ZAP70: variants seen among roughly 807,000 people sequenced by gnomAD.
The protein encoded by ZAP70 is zeta chain of T cell receptor associated protein kinase 70.
ZAP70 carries 27 observed loss-of-function variants against 65.8 expected under a neutral mutation model. That is an observed-to-expected ratio of 0.41 (90% CI 0.30 to 0.57). ZAP70 has a LOEUF of 0.57. ZAP70 is among the 20% of genes least tolerant of loss of function. ZAP70 has a pLI of 0.28. For missense variants in ZAP70, 696 were observed against 870.5 expected (o/e 0.80, Z 2.52); for synonymous variants, 363 against 360.8 (o/e 1.01, Z -0.07).
chr2:97,734,576 G>C lies in ZAP70; in HGVS notation c.946G>C (p.Glu316Gln), dbSNP rs770861777. Residue 316 changes from glutamate (E) to glutamine (Q), a missense_variant, in exon 9 of 14, where the codon GAG becomes CAG. Glu to Gln is a conservative substitution (Grantham distance 29). This residue lies in a region of ZAP70 where 551 missense variants were observed against 630.0 expected (regional missense o/e 0.87). Transcript: ENST00000264972. ...RPMPMDTSVYESPYSDPEELK... is the reference protein window; with the variant it reads ...RPMPMDTSVYQSPYSDPEELK... ...GATGCCCATGGACACGAGCGTGTAT[G>C]AGAGCCCCTACAGCGACCCAGAGGA... is the stretch of plus-strand genomic sequence containing the variant. 6 of 1,614,170 alleles carry C rather than the reference G, an allele frequency of 3.7e-6. No individual in the cohort carries two copies. The South Asian group carries it at 6.6e-5, about 18-fold the overall frequency.
the ZAP70 span, among the ~76,000 whole-genome samples, chr2:97,755,572 C>G: frequency 6.6e-6 from 1 of 152,178 alleles, no homozygotes; most frequent in Non-Finnish European, 1.5e-5. Context: ...AGCCCCTGTG[C>G]CATAGCCCAA....
At chr2:97,720,921 C>T (rs1294891520) in intron 2 of ZAP70, among the ~76,000 whole-genome samples, 3 of 152,204 alleles carry the variant, frequency 2.0e-5, no homozygotes, top group African/African-American at 7.2e-5. Flanking sequence ...GAGCCCATCT[C>T]TGGACACCCA....
At chr2:97,750,048 C>T in the ZAP70 span, among the ~76,000 whole-genome samples, 1 of 152,222 alleles carries the variant, frequency 6.6e-6, no homozygotes, top group African/African-American at 2.4e-5. Context: ...ATGTTTCACA[C>T]CATCCTCCTG....
intron 3 of ZAP70, chr2:97,724,821 G>A: frequency 1.3e-6 from 2 of 1,515,614 alleles, no homozygotes; most frequent in Admixed American, 2.0e-5. Flanking sequence ...TCCACAGCCT[G>A]AGTGACACCA....
chr2:97,738,051 C>T lies in ZAP70; in HGVS notation c.1680C>T (p.Cys560=). 6.2e-7 allele frequency: 1 copy of T among 1,612,056 alleles called. No individual in the cohort carries two copies. Among genetic ancestry groups the T allele is most frequent in the Non-Finnish European group, 8.5e-7 (1 of 1,178,952 alleles). Residue 560 remains cysteine (C), a synonymous_variant, in exon 13 of 14, where the codon TGC becomes TGT. Transcript: ENST00000264972. The part of the protein sequence containing the change: ...AFIEQGKRME[C]PPECPPELYA... The stretch of plus-strand genomic sequence containing the variant: ...TCGAGCAGGGCAAGCGGATGGAGTG[C>T]CCACCAGAGTGTCCACCCGAACTGT...
chr2:97,716,796 G>A (rs1328824702), intron 2 of ZAP70, among the ~76,000 whole-genome samples: 1 of 152,122 alleles, frequency 6.6e-6, no homozygotes, highest in Non-Finnish European at 1.5e-5. Flanking sequence ...TGAGGTGGGA[G>A]CCTAGAGGGC....
Position 97,735,323 on chromosome 2 carries a change from G to A in ZAP70, c.1156G>A (p.Glu386Lys), listed in dbSNP as rs1335015444. 1.2e-6 allele frequency: 2 copies of A among 1,614,162 alleles called. No individual in the cohort carries two copies. Among genetic ancestry groups the A allele is most frequent in the African/African-American group, 1.3e-5 (1 of 75,070 alleles). The change falls in exon 10 of 14, where the codon GAG (glutamate) becomes AAG (lysine). Residue 386 changes from glutamate to lysine, a missense_variant. This residue lies in a region of ZAP70 where 551 missense variants were observed against 630.0 expected (regional missense o/e 0.87). Transcript: ENST00000264972. ...GGCAGACACGGAAGAGATGATGCGCGAGGCGCAGATCATGCACCAGCTGGA... is the reference window on the plus strand; with the variant it reads ...GGCAGACACGGAAGAGATGATGCGCAAGGCGCAGATCATGCACCAGCTGGA... ...EKADTEEMMR[E>K]AQIMHQLDNP... is the part of the protein sequence containing the mutation.
chr2:97,714,479 G>A (rs1237343585), intron 2 of ZAP70, among the ~76,000 whole-genome samples: 3 of 152,194 alleles, frequency 2.0e-5, no homozygotes, highest in African/African-American at 4.8e-5. Flanking sequence ...GCAAAACACC[G>A]AGTTCTCCTC....
At chr2:97,732,365 C>T (rs1431762185) in intron 4 of ZAP70, among the ~76,000 whole-genome samples, 1 of 152,126 alleles carries the variant, frequency 6.6e-6, no homozygotes, top group African/African-American at 2.4e-5. Flanking sequence ...CTTTCTCTCC[C>T]CAGGAGAATG....
At chr2:97,734,457 G>T (rs141311297) in intron 8 of ZAP70, 63 bp from the exon 9 acceptor site, 93 of 1,537,048 alleles carry the variant, frequency 6.1e-5, no homozygotes, top group Non-Finnish European at 7.0e-5. Context: ...TGTGGGGGCT[G>T]AGGCTGCCTT....
chr2:97,735,816 A>G (rs1437643986), intron 10 of ZAP70, among the ~76,000 whole-genome samples: 1 of 152,166 alleles, frequency 6.6e-6, no homozygotes, highest in African/African-American at 2.4e-5. Context: ...GATCCAGACC[A>G]TCCTGGCCAA....
chr2:97,746,401 G>A, the ZAP70 span, among the ~76,000 whole-genome samples: 1 of 152,202 alleles, frequency 6.6e-6, no homozygotes, highest in Non-Finnish European at 1.5e-5. Flanking sequence ...CTCTCTGTAA[G>A]TCCAGTGAGG....
Position 97,737,375 on chromosome 2 carries a change from C to A in ZAP70, c.1290-98C>A. 1.5e-6 allele frequency: 2 copies of A among 1,321,872 alleles called. No individual in the cohort carries two copies. Among genetic ancestry groups the A allele is most frequent in the South Asian group, 1.2e-5 (1 of 82,024 alleles). 81.9% of individuals were successfully genotyped at this position (1,321,872 alleles called of 1,614,324 possible). ...CAATAAGCGTTTTTGAACACATGGT[C>A]ACCTGGCTCATGCCCAGCTGGGTCA... On this transcript the variant is annotated intron_variant, in intron 10 of 13. Transcript: ENST00000264972. This position sits in a 1 kb window ranked among gnomAD's most constrained non-coding sequence, Gnocchi z 5.0.
intron 2 of ZAP70, among the ~76,000 whole-genome samples, chr2:97,723,092 T>C (rs1677223167): frequency 6.6e-6 from 1 of 152,250 alleles, no homozygotes; most frequent in African/African-American, 2.4e-5. Flanking sequence ...TTAAGTTATC[T>C]GCCTTACCAG....
chr2:97,741,337 C>A (rs1008960710), downstream of ZAP70, among the ~76,000 whole-genome samples: 1 of 152,222 alleles, frequency 6.6e-6, no homozygotes, highest in Admixed American at 6.5e-5. Flanking sequence ...CCAGCGCCCA[C>A]GCGGACTCCC....
At chr2:97,738,247 C>T in intron 13 of ZAP70, 140 bp downstream of exon 13, 1 of 847,842 alleles carries the variant, frequency 1.2e-6, no homozygotes, top group Non-Finnish European at 1.9e-6. Flanking sequence ...TGCAGCTGCC[C>T]CCTACCCCCA....
intron 2 of ZAP70, among the ~76,000 whole-genome samples, chr2:97,717,724 A>C (rs1181827151): frequency 2.0e-5 from 3 of 152,230 alleles, no homozygotes; most frequent in African/African-American, 7.2e-5. Context: ...GGAGCCTTTA[A>C]TGTGCTTTTC....
rs549910935 is a variant in ZAP70 at position 97,736,840 on chromosome 2, C to G, written c.1290-633C>G. Among the ~76,000 whole-genome samples the G allele has an allele frequency of 3.3e-3, 500 of 152,172 alleles. 6 individuals are homozygous for G. The highest frequency in any genetic ancestry group is 0.014 in the Middle Eastern group (4 of 294). On this transcript the variant is annotated intron_variant, in intron 10 of 13. Transcript: ENST00000264972. The surrounding 1 kb of genome is among the most constrained non-coding windows in gnomAD (Gnocchi z 4.0). ...GCTGCCAGGAGGACTTGGAGTTTTA[C>G]CCTGAGTTGGGTGGGAGCTAGGGGG...
At chr2:97,740,936 G>A (rs1018931256), downstream of ZAP70, among the ~76,000 whole-genome samples, 3 of 152,234 alleles carry the variant, frequency 2.0e-5, no homozygotes, top group East Asian at 3.8e-4. Flanking sequence ...GGGGGTCATC[G>A]CCATCATGGA....
Sources: allele counts gnomAD v4.1 joint callset (sites outside exome capture counted in the v4.1 genomes callset), GRCh38; gene constraint gnomAD v4.1.1; regional missense constraint gnomAD v4.1.1; non-coding constraint Gnocchi (gnomAD v3.1); transcripts MANE v1.5; gene names NCBI Gene and HGNC (gene_info 2026-07-23, HGNC 2026-07-21).